RARB: variants seen among roughly 807,000 people sequenced by gnomAD.
The protein encoded by RARB is HBV-activated protein.
In RARB, 17 loss-of-function variants were observed where a neutral mutation model predicts 51.9. The observed-to-expected ratio is 0.33, with a 90% CI of 0.22 to 0.49. The LOEUF (loss-of-function observed/expected upper bound fraction) is 0.49. RARB is among the 20% of genes least tolerant of loss of function. RARB has a pLI of 0.99. For synonymous variants in RARB, 215 were observed against 195.4 expected (o/e 1.10, Z -0.84); for missense variants, 369 against 550.8 (o/e 0.67, Z 3.30).
At chr3:25,272,560 C>T (rs1175722882) in intron 5 of RARB, among the ~76,000 whole-genome samples, 1 of 152,186 alleles carries the variant, frequency 6.6e-6, no homozygotes, top group Non-Finnish European at 1.5e-5. Flanking sequence ...ATTAGAATAA[C>T]CTGTAGAGCT....
At chr3:25,553,070 A>C (rs1445590389) in intron 3 of RARB, among the ~76,000 whole-genome samples, 1 of 152,218 alleles carries the variant, frequency 6.6e-6, no homozygotes, top group Non-Finnish European at 1.5e-5. Context: ...CTTGGTGAAT[A>C]CTATGAAATG....
At chr3:25,079,952 T>C (rs969730943) in intron 3 of RARB, among the ~76,000 whole-genome samples, 20 of 152,168 alleles carry the variant, frequency 1.3e-4, no homozygotes, top group Admixed American at 1.2e-3. Context: ...TATTTCTTCC[T>C]TGTAAAATTT....
At chr3:24,943,151 G>A (rs1559405674) in intron 2 of RARB, among the ~76,000 whole-genome samples, 1 of 152,154 alleles carries the variant, frequency 6.6e-6, no homozygotes, top group Non-Finnish European at 1.5e-5. Context: ...GGATAATTTT[G>A]TTGGGGTAAT....
intron 5 of RARB, among the ~76,000 whole-genome samples, chr3:25,336,893 A>G (rs1387589438): frequency 1.3e-5 from 2 of 152,178 alleles, no homozygotes; most frequent in Non-Finnish European, 2.9e-5. Flanking sequence ...TCCTCTCAGA[A>G]CAGGGTCCTA....
At chr3:24,890,645 C>A (rs996459503) in intron 2 of RARB, among the ~76,000 whole-genome samples, 1 of 152,120 alleles carries the variant, frequency 6.6e-6, no homozygotes, top group African/African-American at 2.4e-5. Context: ...TGACTATAAC[C>A]TTGACATATG....
At chr3:25,094,980 C>A (rs1039597248) in intron 3 of RARB, among the ~76,000 whole-genome samples, 4 of 152,054 alleles carry the variant, frequency 2.6e-5, no homozygotes, top group Non-Finnish European at 4.4e-5. Flanking sequence ...CCTCATTTGA[C>A]AAATGAGAAA....
In RARB at chr3:25,429,446, A is replaced by G. The variant is rs148901130; in HGVS notation, c.157+558A>G. Among the ~76,000 whole-genome samples, 824 of 152,270 alleles carry G rather than the reference A, an allele frequency of 5.4e-3. 6 individuals are homozygous for G. The highest frequency in any genetic ancestry group is 0.017 in the African/African-American group (721 of 41,572). ...CCACCAGTTCAAGCTGCCGCTTCCA[A>G]TGTTTTCCTTGCTAAGGAAAGGCAA... On this transcript the variant is annotated intron_variant, in intron 1 of 7. Transcript: ENST00000330688.
At chr3:25,175,529 G>T (rs533664394) in intron 5 of RARB, among the ~76,000 whole-genome samples, 1 of 152,274 alleles carries the variant, frequency 6.6e-6, no homozygotes, top group East Asian at 1.9e-4. Flanking sequence ...CGTGCCTTCA[G>T]TCATTCCTTC....
chr3:24,950,029 C>A (rs1248189435), intron 2 of RARB, among the ~76,000 whole-genome samples: 1 of 152,154 alleles, frequency 6.6e-6, no homozygotes, highest in Non-Finnish European at 1.5e-5. Flanking sequence ...AAATATTGTG[C>A]CATTGAAATG....
intron 5 of RARB, among the ~76,000 whole-genome samples, chr3:25,175,841 A>G (rs1159854992): frequency 6.6e-6 from 1 of 152,184 alleles, no homozygotes; most frequent in Non-Finnish European, 1.5e-5. Context: ...CATGCTTCTG[A>G]AGTTCAAACT....
intron 5 of RARB, among the ~76,000 whole-genome samples, chr3:25,328,841 C>T (rs985646050): frequency 6.6e-6 from 1 of 152,170 alleles, no homozygotes; most frequent in Non-Finnish European, 1.5e-5. Context: ...TGTGCTTTTC[C>T]AATGGTCTTA....
intron 3 of RARB, among the ~76,000 whole-genome samples, chr3:25,560,617 T>A (rs1330995453): frequency 2.0e-5 from 3 of 152,206 alleles, no homozygotes; most frequent in Non-Finnish European, 1.5e-5. Flanking sequence ...ACAGTTTCCA[T>A]ACTCTGTCTT....
At chr3:25,233,481 C>G (rs1702231060) in intron 5 of RARB, among the ~76,000 whole-genome samples, 1 of 151,992 alleles carries the variant, frequency 6.6e-6, no homozygotes, top group Non-Finnish European at 1.5e-5. Flanking sequence ...ATAGTTGTCT[C>G]TAATGTGAAT....
At chr3:25,240,727 G>C (rs1335478436) in intron 5 of RARB, among the ~76,000 whole-genome samples, 1 of 152,148 alleles carries the variant, frequency 6.6e-6, no homozygotes, top group Non-Finnish European at 1.5e-5. Flanking sequence ...GTTGAATTCA[G>C]TTTGTTAGTA....
At chr3:25,110,565 G>A (rs1053651941) in intron 3 of RARB, among the ~76,000 whole-genome samples, 1 of 152,186 alleles carries the variant, frequency 6.6e-6, no homozygotes, top group African/African-American at 2.4e-5. Flanking sequence ...GAAACGAAGT[G>A]CCAGTTCACC....
chr3:25,367,388 G>A (rs1361620875), intron 5 of RARB, among the ~76,000 whole-genome samples: 2 of 152,088 alleles, frequency 1.3e-5, no homozygotes, highest in Non-Finnish European at 2.9e-5. Context: ...ACACAGGAGT[G>A]GACATACCTT....
intron 5 of RARB, among the ~76,000 whole-genome samples, chr3:25,225,701 C>T (rs1323712240): frequency 6.6e-6 from 1 of 152,060 alleles, no homozygotes; most frequent in South Asian, 2.1e-4. Flanking sequence ...GTGATATAAA[C>T]ACACAGGTAC....
At chr3:25,445,175 C>A (rs972801673) in intron 1 of RARB, among the ~76,000 whole-genome samples, 2 of 152,070 alleles carry the variant, frequency 1.3e-5, no homozygotes, top group African/African-American at 4.8e-5. Context: ...CTCTTGAACT[C>A]CTGAGCTCAG....
In RARB at chr3:25,453,243, C is replaced by CTTTTTTT. The variant is rs758275411; in HGVS notation, c.158-7933_158-7927dup. ...TTTCTGGGGTGGGGCCAAGATTCTG[C>CTTTTTTT]TTTTTTTTTTTTTTTTTTTTTTTGA... On this transcript the variant is annotated intron_variant, in intron 1 of 7. Coordinates refer to ENST00000330688, the MANE Select transcript of RARB (RefSeq NM_000965.5). Among the ~76,000 whole-genome samples, 3 of 81,984 alleles carry CTTTTTTT rather than the reference C, an allele frequency of 3.7e-5. No homozygotes were observed. In the East Asian group the frequency reaches 1.1e-3, roughly 29 times the overall value. The allele number at this position is 81,984 out of a possible 152,430, so 53.8% of individuals were successfully genotyped here.
Sources: allele counts gnomAD v4.1 joint callset (sites outside exome capture counted in the v4.1 genomes callset), GRCh38; gene constraint gnomAD v4.1.1; transcripts MANE v1.5; gene names NCBI Gene and HGNC (gene_info 2026-07-23, HGNC 2026-07-21).